LNX2: variants seen among roughly 807,000 people sequenced by gnomAD.
LNX2 encodes the protein ligand of numb-protein X 2.
Under a neutral mutation model 66.2 loss-of-function variants are expected in LNX2, and 35 were observed. That is an observed-to-expected ratio of 0.53 (90% CI 0.40 to 0.70). The LOEUF is 0.70. LNX2 is among the 30% of genes least tolerant of loss of function. The probability of loss-of-function intolerance (pLI) is 0.00; values close to 1 mark genes in which losing one functional copy is unlikely to be tolerated. For synonymous variants in LNX2, 337 were observed against 315.6 expected (o/e 1.07, Z -0.72); for missense variants, 791 against 850.8 (o/e 0.93, Z 0.87).
chr13:27,569,370 A>C (rs531157709), intron 2 of LNX2, 94 bp from the exon 3 acceptor site: 14 of 1,360,986 alleles, frequency 1.0e-5, no homozygotes, highest in African/African-American at 1.5e-5. Context: ...ACACAAACAG[A>C]ACCAGAAGCT....
chr13:27,561,372 C>T (rs1345598029), intron 5 of LNX2, among the ~76,000 whole-genome samples: 2 of 152,114 alleles, frequency 1.3e-5, no homozygotes, highest in African/African-American at 4.8e-5. Flanking sequence ...TCCTCCTCCT[C>T]TTTTCTCCCC....
rs1440769735 is a variant in LNX2 at position 27,548,159 on chromosome 13, G to GT, written c.*175dup. 2 of 572,172 alleles carry GT rather than the reference G, an allele frequency of 3.5e-6. No homozygotes were observed. Among genetic ancestry groups the GT allele is most frequent in the Non-Finnish European group, 6.1e-6 (2 of 327,382 alleles). The allele number at this position is 572,172 out of a possible 1,614,324, so 35.4% of individuals were successfully genotyped here. A position where few individuals can be genotyped will look rare whatever the true frequency, so the allele number is the denominator to read the frequency against. Reference sequence around the variant, plus strand: ...AGACTGTTTCCAAGCTAAAAGAAATGTAACTAACTTAGGAAACCATTTAAA... The same window carrying GT: ...AGACTGTTTCCAAGCTAAAAGAAATGTTAACTAACTTAGGAAACCATTTAAA... On this transcript the variant is annotated 3_prime_UTR_variant, in exon 10 of 10. Coordinates refer to ENST00000316334, the MANE Select transcript of LNX2 (RefSeq NM_153371.4).
rs771032990 is a variant in LNX2, at chr13:27,559,847, G to A, written c.1363C>T (p.His455Tyr). The change falls in exon 6 of 10, where the codon CAT (histidine) becomes TAT (tyrosine). Residue 455 changes from histidine to tyrosine, a missense_variant. Coordinates refer to ENST00000316334, the MANE Select transcript of LNX2 (RefSeq NM_153371.4). ...AAAAAAAAAAAAATCCTCACCTTAT[G>A]TGAGCTTGGTCTGCTATAATACGGT... ...PPPYYSRPSS[H>Y]KDLTQCVTCQ... 26 of 1,550,442 alleles carry A rather than the reference G, an allele frequency of 1.7e-5. No homozygotes were observed. The Admixed American group carries it at 5.0e-4, about 30-fold the overall frequency.
At chr13:27,592,709 G>T (rs1458356528) in intron 1 of LNX2, among the ~76,000 whole-genome samples, 2 of 152,176 alleles carry the variant, frequency 1.3e-5, no homozygotes, top group African/African-American at 4.8e-5. Flanking sequence ...CCTTTCTGGG[G>T]GACGAAGAGG....
intron 1 of LNX2, among the ~76,000 whole-genome samples, chr13:27,605,165 T>C (rs1955700656): frequency 6.6e-6 from 1 of 152,178 alleles, no homozygotes; most frequent in Admixed American, 6.5e-5. Context: ...CTAACCAAAA[T>C]TAAACAACGA....
intron 1 of LNX2, among the ~76,000 whole-genome samples, chr13:27,583,231 T>TCCTCTCCA (rs1955433443): frequency 1.2e-4 from 2 of 16,558 alleles, no homozygotes; most frequent in Non-Finnish European, 2.6e-4. Context: ...TGTGTGTGTG[T>TCCTCTCCA]GTGTGTGTGT....
intron 1 of LNX2, among the ~76,000 whole-genome samples, chr13:27,619,573 T>C (rs1381934125): frequency 6.6e-6 from 1 of 152,236 alleles, no homozygotes; most frequent in African/African-American, 2.4e-5. Context: ...CAACTTTGTT[T>C]CTGATTTCTG....
Position 27,553,226 on chromosome 13 carries a change from A to C in LNX2, c.1760T>G (p.Met587Arg). 2 of 1,614,148 alleles carry C rather than the reference A, an allele frequency of 1.2e-6. No homozygotes were observed. ...YDASWSPSWVMWLGLPSTLHS... is the reference protein window; with the variant it reads ...YDASWSPSWVRWLGLPSTLHS... ...TCAGTACCTGGGAAGCCCAAGCCAC[A>C]TGACCCATGATGGGGACCAACTGGC... Residue 587 changes from methionine to arginine, a missense_variant, in exon 8 of 10, where the codon ATG becomes AGG. Met to Arg is a moderately conservative substitution (Grantham distance 91). Transcript: ENST00000316334.
chr13:27,555,303 T>C (rs1050765077), intron 7 of LNX2, among the ~76,000 whole-genome samples: 1 of 152,244 alleles, frequency 6.6e-6, no homozygotes, highest in African/African-American at 2.4e-5. Flanking sequence ...TAGAGAAATG[T>C]CTATTCAGAT....
At chr13:27,616,788 C>G (rs1955832727) in intron 1 of LNX2, among the ~76,000 whole-genome samples, 1 of 152,202 alleles carries the variant, frequency 6.6e-6, no homozygotes, top group African/African-American at 2.4e-5. Flanking sequence ...CTAGCTCTAT[C>G]ACCCAGGCTG....
chr13:27,596,021 C>T (rs966821100), intron 1 of LNX2, among the ~76,000 whole-genome samples: 1 of 152,178 alleles, frequency 6.6e-6, no homozygotes. Context: ...GGGTATTAAA[C>T]ACACGTATCT....
chr13:27,550,545 G>T (rs542412534), intron 8 of LNX2, 54 bp from the exon 9 acceptor site: 4 of 1,398,984 alleles, frequency 2.9e-6, no homozygotes, highest in Non-Finnish European at 3.9e-6. Context: ...TTTTATAGCC[G>T]CTTATTTTTG....
chr13:27,553,118 TCC>T, intron 8 of LNX2, 88 bp downstream of exon 8: 1 of 1,032,490 alleles, frequency 9.7e-7, no homozygotes, highest in African/African-American at 1.6e-5. Flanking sequence ...TTTTTTTTTA[TCC>T]CAACGAGTAA....
At chr13:27,617,710 T>A (rs1955842634) in intron 1 of LNX2, among the ~76,000 whole-genome samples, 1 of 152,232 alleles carries the variant, frequency 6.6e-6, no homozygotes, top group Non-Finnish European at 1.5e-5. Context: ...GAACTCTTTT[T>A]CTTTTCTATT....
intron 1 of LNX2, among the ~76,000 whole-genome samples, chr13:27,610,784 CA>C (rs888960863): frequency 2.0e-5 from 3 of 151,276 alleles, no homozygotes; most frequent in Non-Finnish European, 3.0e-5. Context: ...ACAATAAGAA[CA>C]AAAAAAACAG....
intron 1 of LNX2, among the ~76,000 whole-genome samples, chr13:27,604,855 AT>A (rs34254877): frequency 0.2 from 27,080 of 138,230 alleles, 2,299 homozygotes; most frequent in South Asian, 0.23. Context: ...TTTCTATTTA[AT>A]TTTTTTTTTT....
intron 1 of LNX2, among the ~76,000 whole-genome samples, chr13:27,593,653 C>T (rs1418137798): frequency 1.0e-4 from 15 of 150,166 alleles, no homozygotes; most frequent in Admixed American, 5.3e-4. Flanking sequence ...CTGCAACCTC[C>T]GCCTCCTGGG....
chr13:27,611,980 A>AG (rs1286338978), intron 1 of LNX2, among the ~76,000 whole-genome samples: 2 of 152,218 alleles, frequency 1.3e-5, no homozygotes, highest in African/African-American at 4.8e-5. Context: ...AAAAGAAGGG[A>AG]GTTAATTGAT....
Position 27,562,441 on chromosome 13 carries a change from G to C in LNX2, c.1196C>G (p.Thr399Ser). Residue 399 changes from threonine (T) to serine (S), a missense_variant, in exon 5 of 10, where the codon ACT (threonine) becomes AGT (serine). Coordinates refer to ENST00000316334, the MANE Select transcript of LNX2 (RefSeq NM_153371.4). ...AINGHDLKYG[T>S]PELAAQIIQA... is the part of the protein sequence containing the mutation. ...AATAATCTGGGCAGCAAGCTCCGGAGTTCCATACTTCAGGTCGTGCCCATT... is the reference window on the plus strand; with the variant it reads ...AATAATCTGGGCAGCAAGCTCCGGACTTCCATACTTCAGGTCGTGCCCATT... 1 of 1,614,068 alleles carries C rather than the reference G, an allele frequency of 6.2e-7. No individual in the cohort carries two copies.
Sources: allele counts gnomAD v4.1 joint callset (sites outside exome capture counted in the v4.1 genomes callset), GRCh38; gene constraint gnomAD v4.1.1; transcripts MANE v1.5; gene names NCBI Gene and HGNC (gene_info 2026-07-23, HGNC 2026-07-21).